CLNK: variants seen among roughly 807,000 people sequenced by gnomAD.
CLNK encodes the protein cytokine dependent hematopoietic cell linker, also known as cytokine-dependent hematopoietic cell linker.
Under a neutral mutation model 68.6 loss-of-function variants are expected in CLNK, and 74 were observed. The ratio of observed to expected loss-of-function variants is 1.08; its 90% CI spans 0.89 to 1.31. CLNK has a LOEUF of 1.31. Among genes scored for constraint, CLNK ranks in the 50% most tolerant of loss-of-function variants. The pLI is 0.00. For missense variants in CLNK, 553 were observed against 515.3 expected, an observed-to-expected ratio of 1.07 and a Z score of -0.71; for synonymous variants, 198 against 172.2, an observed-to-expected ratio of 1.15 and a Z score of -1.17.
chr4:10,533,754 G>A (rs746580270), intron 11 of CLNK, among the ~76,000 whole-genome samples: 1 of 152,236 alleles, frequency 6.6e-6, no homozygotes, highest in African/African-American at 2.4e-5. Context: ...GTGTATTAAA[G>A]ATACTGAAAG....
At chr4:10,550,586 C>G (rs1018282831) in intron 8 of CLNK, among the ~76,000 whole-genome samples, 1 of 152,172 alleles carries the variant, frequency 6.6e-6, no homozygotes, top group East Asian at 1.9e-4. Context: ...CCAAGACTCA[C>G]GATGGATGTC....
intron 18 of CLNK, among the ~76,000 whole-genome samples, chr4:10,492,173 A>C (rs1418833270): frequency 6.6e-5 from 10 of 152,164 alleles, no homozygotes; most frequent in Non-Finnish European, 1.5e-4. Flanking sequence ...GGACCGCCTT[A>C]CTCAGAGTCT....
At chr4:10,637,180 C>T (rs1250391288) in intron 2 of CLNK, among the ~76,000 whole-genome samples, 1 of 152,202 alleles carries the variant, frequency 6.6e-6, no homozygotes, top group Non-Finnish European at 1.5e-5. Context: ...CATGTACTTT[C>T]CCACATTTCC....
At chr4:10,493,938 G>A (rs1175773913) in intron 18 of CLNK, among the ~76,000 whole-genome samples, 1 of 152,228 alleles carries the variant, frequency 6.6e-6, no homozygotes, top group Non-Finnish European at 1.5e-5. Context: ...TGCATATGCA[G>A]TACAGCATTC....
At chr4:10,581,773 T>C (rs1471570762) in intron 4 of CLNK, among the ~76,000 whole-genome samples, 2 of 152,084 alleles carry the variant, frequency 1.3e-5, no homozygotes, top group Non-Finnish European at 1.5e-5. Context: ...GCCTCCCACC[T>C]CATTCCTTGA....
At chr4:10,602,488 G>C (rs182483827) in intron 2 of CLNK, among the ~76,000 whole-genome samples, 5 of 152,294 alleles carry the variant, frequency 3.3e-5, no homozygotes, top group South Asian at 2.1e-4. Flanking sequence ...TGAAGATGGC[G>C]GAGATTGGAG....
chr4:10,524,678 G>T (rs1044236330), intron 14 of CLNK, among the ~76,000 whole-genome samples: 29 of 152,196 alleles, frequency 1.9e-4, no homozygotes, highest in African/African-American at 7.0e-4. Context: ...GTGGTAAAGG[G>T]CTCGGTCTTT....
chr4:10,537,658 T>C (rs1438691706), intron 11 of CLNK, among the ~76,000 whole-genome samples: 362 of 50,932 alleles, frequency 7.1e-3, no homozygotes, highest in Admixed American at 0.037. Context: ...TTTCTTTCTT[T>C]CTTTCTTTCT....
rs751769857 is a variant in CLNK at position 10,571,730 on chromosome 4, A to G, written c.150+11T>C. The G allele has an allele frequency of 6.2e-6, 10 of 1,607,618 alleles. No individual in the cohort carries two copies. Among genetic ancestry groups the G allele is most frequent in the South Asian group, 2.2e-5 (2 of 90,840 alleles). Reference sequence around the variant, plus strand: ...GACGTATAAAATAGATAAGGGAAGCAGCTGACTTACCCAGTCTAGAAGAGG... The same window carrying G: ...GACGTATAAAATAGATAAGGGAAGCGGCTGACTTACCCAGTCTAGAAGAGG... On this transcript the variant is annotated intron_variant, in intron 5 of 18. Transcript: ENST00000226951.
At chr4:10,501,669 G>A (rs560070568) in intron 17 of CLNK, among the ~76,000 whole-genome samples, 1 of 152,304 alleles carries the variant, frequency 6.6e-6, no homozygotes, top group African/African-American at 2.4e-5. Flanking sequence ...GCTCACCCCT[G>A]TAATCCCAGC....
chr4:10,540,691 G>A (rs763625017), intron 10 of CLNK, 87 bp from the exon 11 acceptor site: 72 of 885,904 alleles, frequency 8.1e-5, no homozygotes, highest in Middle Eastern at 5.7e-4. Context: ...TCTGCCCTCC[G>A]TGTCCCCAGC....
intron 15 of CLNK, among the ~76,000 whole-genome samples, chr4:10,518,004 G>A (rs1415980252): frequency 3.2e-4 from 4 of 12,662 alleles, no homozygotes; most frequent in Non-Finnish European, 7.2e-4. Context: ...GTTAATCTTT[G>A]GAATTTTTTT....
At chr4:10,526,718 T>A (rs542822572) in intron 13 of CLNK, among the ~76,000 whole-genome samples, 1 of 152,196 alleles carries the variant, frequency 6.6e-6, no homozygotes, top group Non-Finnish European at 1.5e-5. Flanking sequence ...TTCTCAATTT[T>A]TTCCCCCCTC....
chr4:10,520,695 A>C, intron 15 of CLNK, 96 bp downstream of exon 15: 1 of 836,712 alleles, frequency 1.2e-6, no homozygotes, highest in African/African-American at 1.7e-5. Flanking sequence ...ACATCAGCTC[A>C]GTGGCTCTGG....
At chr4:10,541,684 A>G (rs910166827) in intron 10 of CLNK, among the ~76,000 whole-genome samples, 4 of 152,134 alleles carry the variant, frequency 2.6e-5, no homozygotes, top group Non-Finnish European at 4.4e-5. Flanking sequence ...TAAGCCTGCC[A>G]GAAGTATACG....
chr4:10,620,019 A>T (rs190180803), intron 2 of CLNK, among the ~76,000 whole-genome samples: 1 of 152,286 alleles, frequency 6.6e-6, no homozygotes, highest in Non-Finnish European at 1.5e-5. Context: ...TTCACACAAG[A>T]ATGTGAGAAA....
In CLNK at chr4:10,490,246, A is replaced by C; in HGVS notation, c.*221T>G. 2.4e-6 allele frequency: 1 copy of C among 414,464 alleles called. No individual in the cohort carries two copies. Among genetic ancestry groups the C allele is most frequent in the Non-Finnish European group, 4.2e-6 (1 of 237,382 alleles). The allele number at this position is 414,464 out of a possible 1,614,324, so 25.7% of individuals were successfully genotyped here. A position where few individuals can be genotyped will look rare whatever the true frequency, so the allele number is the denominator to read the frequency against. ...TATTTTTATTTATTTTCCAGTGGCC[A>C]GTTACTAGAATGTTTTTATTTTTTG... is the stretch of plus-strand genomic sequence containing the variant. On this transcript the variant is annotated 3_prime_UTR_variant, in exon 19 of 19. Coordinates refer to ENST00000226951, the MANE Select transcript of CLNK (RefSeq NM_052964.4).
At chr4:10,708,681 T>C in the CLNK span, among the ~76,000 whole-genome samples, 1 of 152,200 alleles carries the variant, frequency 6.6e-6, no homozygotes. Flanking sequence ...GGGCACATCA[T>C]GGTCAGATTT....
intron 2 of CLNK, among the ~76,000 whole-genome samples, chr4:10,613,553 C>T (rs1169953143): frequency 3.3e-5 from 5 of 151,348 alleles, no homozygotes; most frequent in African/African-American, 1.2e-4. Context: ...GGCTATGAAG[C>T]CATGTCAGGG....
Sources: allele counts gnomAD v4.1 joint callset (sites outside exome capture counted in the v4.1 genomes callset), GRCh38; gene constraint gnomAD v4.1.1; transcripts MANE v1.5; gene names NCBI Gene and HGNC (gene_info 2026-07-23, HGNC 2026-07-21).